The following ARHGAP21 variants were observed in gnomAD, a reference collection of about 807,000 sequenced individuals.
ARHGAP21 encodes Rho GTPase activating protein 21.
A neutral mutation model predicts 164.6 loss-of-function variants in ARHGAP21; 38 were observed. The ratio of observed to expected loss-of-function variants is 0.23; its 90% CI spans 0.18 to 0.30. The LOEUF (loss-of-function observed/expected upper bound fraction) is 0.30, where lower values mean the gene tolerates loss of function less well. Among genes scored for constraint, ARHGAP21 ranks in the 10% least tolerant of loss-of-function variants. ARHGAP21 has a pLI of 1.00. For synonymous variants in ARHGAP21, 766 were observed against 857.9 expected (o/e 0.89, Z 1.87); for missense variants, 1,822 against 2,370.7 (o/e 0.77, Z 4.81).
chr10:24,691,604 G>C (rs1356898546), intron 2 of ARHGAP21, among the ~76,000 whole-genome samples: 1 of 152,138 alleles, frequency 6.6e-6, no homozygotes, highest in Non-Finnish European at 1.5e-5. Context: ...CTGGAGGAAG[G>C]CCTTTTAGAA....
At chr10:24,672,068 C>T (rs1840760844) in intron 2 of ARHGAP21, among the ~76,000 whole-genome samples, 1 of 151,774 alleles carries the variant, frequency 6.6e-6, no homozygotes, top group African/African-American at 2.4e-5. Context: ...TCTCCAGCTA[C>T]CACCTTGTTT....
At chr10:24,593,815 A>C (rs970178462) in intron 21 of ARHGAP21, among the ~76,000 whole-genome samples, 1 of 151,842 alleles carries the variant, frequency 6.6e-6, no homozygotes, top group African/African-American at 2.4e-5. Context: ...TATATTGAAA[A>C]CTCTTTGGCT....
intron 24 of ARHGAP21, chr10:24,590,695 A>G: frequency 7.5e-7 from 1 of 1,330,210 alleles, no homozygotes; most frequent in East Asian, 2.8e-5. Context: ...AAGAAAATAA[A>G]TGTCAAATAG....
At chr10:24,722,732 C>A (rs1481679997) in intron 1 of ARHGAP21, 7 of 152,020 alleles carry the variant, frequency 4.6e-5, no homozygotes, top group Admixed American at 4.6e-4. Flanking sequence ...GGCGTGGGCT[C>A]GGCGGCGTCT....
chr10:24,690,464 C>A (rs1333747396), intron 2 of ARHGAP21, among the ~76,000 whole-genome samples: 1 of 151,832 alleles, frequency 6.6e-6, no homozygotes, highest in African/African-American at 2.4e-5. Flanking sequence ...TTTTTTTATT[C>A]TTTCATTACT....
chr10:24,632,465 T>C (rs867425430), intron 6 of ARHGAP21, among the ~76,000 whole-genome samples: 1 of 152,216 alleles, frequency 6.6e-6, no homozygotes, highest in Non-Finnish European at 1.5e-5. Flanking sequence ...TCCCATTAAA[T>C]ATTAAAACAT....
chr10:24,632,737 TC>T, intron 6 of ARHGAP21, among the ~76,000 whole-genome samples: 1 of 152,196 alleles, frequency 6.6e-6, no homozygotes, highest in Non-Finnish European at 1.5e-5. Context: ...AGAGTGATGA[TC>T]CGACTAGGCT....
intron 4 of ARHGAP21, among the ~76,000 whole-genome samples, chr10:24,643,524 T>G (rs1837283186): frequency 6.6e-6 from 1 of 152,216 alleles, no homozygotes; most frequent in African/African-American, 2.4e-5. Context: ...GAAATTACTA[T>G]CATGCTCACT....
At chr10:24,713,726 A>G (rs960438542) in intron 2 of ARHGAP21, among the ~76,000 whole-genome samples, 2 of 150,298 alleles carry the variant, frequency 1.3e-5, no homozygotes, top group Non-Finnish European at 1.5e-5. Flanking sequence ...TCCCGACTCT[A>G]CCTCCCAAAG....
At chr10:24,614,471 T>C (rs1284569370) in intron 9 of ARHGAP21, among the ~76,000 whole-genome samples, 3 of 152,234 alleles carry the variant, frequency 2.0e-5, no homozygotes, top group Admixed American at 2.0e-4. Context: ...CAAAGTCTAC[T>C]TTAGTGAAAC....
At chr10:24,597,426 T>A in intron 16 of ARHGAP21, 21 bp downstream of exon 16, 1 of 1,601,866 alleles carries the variant, frequency 6.2e-7, no homozygotes, top group Non-Finnish European at 8.5e-7. Flanking sequence ...TATTTATTTG[T>A]TAGAAAGCTA....
At position 24,583,949 on chromosome 10, in the gene ARHGAP21, T is replaced by C. The variant is rs1420973833; in HGVS notation, c.*463A>G. 2 of 152,656 alleles carry C rather than the reference T, an allele frequency of 1.3e-5. No individual in the cohort carries two copies. Among genetic ancestry groups the C allele is most frequent in the African/African-American group, 4.8e-5 (2 of 41,462 alleles). 9.5% of individuals were successfully genotyped at this position (152,656 alleles called of 1,614,324 possible). A position where few individuals can be genotyped will look rare whatever the true frequency, so the allele number is the denominator to read the frequency against. The stretch of plus-strand genomic sequence containing the variant: ...AAAGAATGGAAGTTCTGTATCCACC[T>C]GTGTTAAAACTGGTAAATGTAATGA... On this transcript the variant is annotated 3_prime_UTR_variant, in exon 26 of 26. Transcript: ENST00000396432.
At chr10:24,701,133 G>T (rs972418746) in intron 2 of ARHGAP21, among the ~76,000 whole-genome samples, 2 of 152,008 alleles carry the variant, frequency 1.3e-5, no homozygotes, top group Non-Finnish European at 2.9e-5. Flanking sequence ...CAGGAGGAGC[G>T]GAGGAGGAAG....
chr10:24,648,153 C>T (rs1837766285), intron 4 of ARHGAP21, among the ~76,000 whole-genome samples: 1 of 152,102 alleles, frequency 6.6e-6, no homozygotes, highest in Non-Finnish European at 1.5e-5. Context: ...TATTCTAATG[C>T]TCAGTCTTTG....
chr10:24,699,409 C>T (rs1843448556), intron 2 of ARHGAP21, among the ~76,000 whole-genome samples: 1 of 151,968 alleles, frequency 6.6e-6, no homozygotes, highest in Admixed American at 6.6e-5. Flanking sequence ...ATTGCAACCT[C>T]CACCTCCCAG....
At chr10:24,628,425 T>G (rs936118097) in intron 7 of ARHGAP21, among the ~76,000 whole-genome samples, 6 of 151,936 alleles carry the variant, frequency 3.9e-5, no homozygotes, top group African/African-American at 1.4e-4. Flanking sequence ...TTTAGTGATT[T>G]TTTTTTTTAT....
chr10:24,606,177 A>ATGACTC (rs1441146835), intron 11 of ARHGAP21, among the ~76,000 whole-genome samples: 3 of 152,200 alleles, frequency 2.0e-5, no homozygotes, highest in African/African-American at 7.2e-5. Flanking sequence ...TTGATACAAT[A>ATGACTC]TGACTCAAAA....
chr10:24,667,073 C>A, intron 3 of ARHGAP21, 64 bp from the exon 4 acceptor site: 2 of 908,662 alleles, frequency 2.2e-6, no homozygotes, highest in Non-Finnish European at 1.6e-6. Flanking sequence ...TTAATCACAG[C>A]AAGGCTCAAT....
In ARHGAP21 at chr10:24,595,700, CA is replaced by C. The variant is rs1378075751; in HGVS notation, c.3712+16del. 2 of 1,601,168 alleles carry C rather than the reference CA, an allele frequency of 1.2e-6. No homozygotes were observed. The highest frequency in any genetic ancestry group is 3.4e-5 in the Admixed American group (2 of 59,438). On this transcript the variant is annotated intron_variant, in intron 19 of 25. Coordinates refer to ENST00000396432, the MANE Select transcript of ARHGAP21 (RefSeq NM_020824.4). The stretch of plus-strand genomic sequence containing the variant: ...TTGAACCATTTCATCTGGTATCTTT[CA>C]CGGGAGTTAACTCACCATTTGTGAA...
Sources: gnomAD v4.1 joint callset for allele counts (sites outside exome capture counted in the v4.1 genomes callset) on GRCh38, gnomAD v4.1.1 for gene constraint, MANE v1.5 for transcripts, NCBI Gene and HGNC (gene_info 2026-07-23, HGNC 2026-07-21) for gene names.